The following XYLT1 variants were observed in gnomAD, a reference collection of about 807,000 sequenced individuals.
The protein encoded by XYLT1 is beta-D-xylosyltransferase 1.
Under a neutral mutation model 91.3 loss-of-function variants are expected in XYLT1, and 36 were observed. The observed-to-expected ratio is 0.39, with a 90% CI of 0.30 to 0.52. XYLT1 has a LOEUF of 0.52. Among genes scored for constraint, XYLT1 ranks in the 20% least tolerant of loss-of-function variants. XYLT1 has a pLI of 0.68. For missense variants in XYLT1, 1,242 were observed against 1,284.5 expected (o/e 0.97, Z 0.51); for synonymous variants, 588 against 532.0 (o/e 1.11, Z -1.45).
At chr16:17,290,860 T>A (rs1460472707) in intron 2 of XYLT1, among the ~76,000 whole-genome samples, 1 of 152,206 alleles carries the variant, frequency 6.6e-6, no homozygotes, top group Non-Finnish European at 1.5e-5. Context: ...GTGGTTACAA[T>A]GTCCTGGGGT....
intron 1 of XYLT1, among the ~76,000 whole-genome samples, chr16:17,360,850 A>G (rs754373604): frequency 9.2e-5 from 14 of 152,198 alleles, no homozygotes; most frequent in Non-Finnish European, 1.9e-4. Flanking sequence ...TGGAGACCAA[A>G]GGGGAATTTG....
rs547489111 is a variant in XYLT1, at chr16:17,351,911, A to T, written c.402+6101T>A. Among the ~76,000 whole-genome samples, 6 of 152,278 alleles carry T rather than the reference A, an allele frequency of 3.9e-5. No homozygotes were observed. The South Asian group carries it at 1.2e-3, about 32-fold the overall frequency. On this transcript the variant is annotated intron_variant, in intron 2 of 11. Transcript: ENST00000261381. ...GCAATTCCAGCACTTTGCGAGGCTG[A>T]GGCGGGCGGACTGCTTGAGCCCAGA... is the stretch of plus-strand genomic sequence containing the variant.
chr16:17,176,969 T>C (rs2031959216), intron 5 of XYLT1, among the ~76,000 whole-genome samples: 3 of 152,178 alleles, frequency 2.0e-5, no homozygotes. Flanking sequence ...CTTGGACTCC[T>C]TAACCTGGCT....
intron 6 of XYLT1, among the ~76,000 whole-genome samples, chr16:17,158,494 A>T (rs1395028439): frequency 3.3e-5 from 5 of 152,218 alleles, no homozygotes; most frequent in African/African-American, 1.2e-4. Context: ...TGCTTACATT[A>T]TGGGCCTCAG....
At chr16:17,169,828 T>A (rs2031783863) in intron 5 of XYLT1, among the ~76,000 whole-genome samples, 1 of 152,216 alleles carries the variant, frequency 6.6e-6, no homozygotes, top group Non-Finnish European at 1.5e-5. Context: ...ATACAATGAT[T>A]GATTACAGCC....
At chr16:17,301,642 T>TA (rs2034396284) in intron 2 of XYLT1, among the ~76,000 whole-genome samples, 1 of 152,204 alleles carries the variant, frequency 6.6e-6, no homozygotes, top group Non-Finnish European at 1.5e-5. Flanking sequence ...TACCTTGCAA[T>TA]GTCGCTGCCA....
intron 2 of XYLT1, among the ~76,000 whole-genome samples, chr16:17,305,372 G>C (rs1292292308): frequency 6.6e-6 from 1 of 150,852 alleles, no homozygotes; most frequent in Non-Finnish European, 1.5e-5. Context: ...TGCAGCTTTA[G>C]TTTTCTTAAT....
intron 1 of XYLT1, among the ~76,000 whole-genome samples, chr16:17,415,851 G>A (rs2036173995): frequency 3.3e-5 from 5 of 152,160 alleles, no homozygotes; most frequent in Admixed American, 2.6e-4. Context: ...AATAAAGGGT[G>A]TAATCATGGA....
At chr16:17,180,449 C>T (rs2032042948) in intron 5 of XYLT1, among the ~76,000 whole-genome samples, 1 of 152,148 alleles carries the variant, frequency 6.6e-6, no homozygotes, top group Non-Finnish European at 1.5e-5. Context: ...CATGATTAGA[C>T]TGAGAAAGGG....
intron 2 of XYLT1, among the ~76,000 whole-genome samples, chr16:17,280,102 G>A (rs1242139428): frequency 6.6e-6 from 1 of 152,192 alleles, no homozygotes; most frequent in Non-Finnish European, 1.5e-5. Context: ...TATAATCCCA[G>A]CATTTTGGGA....
At chr16:17,281,740 T>C (rs989719984) in intron 2 of XYLT1, among the ~76,000 whole-genome samples, 1 of 152,156 alleles carries the variant, frequency 6.6e-6, no homozygotes, top group Non-Finnish European at 1.5e-5. Flanking sequence ...AAGGCAATCA[T>C]TTCCTCCCTG....
chr16:17,406,168 G>A (rs1322855080), intron 1 of XYLT1, among the ~76,000 whole-genome samples: 1 of 152,214 alleles, frequency 6.6e-6, no homozygotes, highest in East Asian at 1.9e-4. Flanking sequence ...CTGGGCAACA[G>A]AGTGAGACTC....
At chr16:17,331,161 G>A (rs960684553) in intron 2 of XYLT1, among the ~76,000 whole-genome samples, 4 of 152,214 alleles carry the variant, frequency 2.6e-5, no homozygotes, top group Non-Finnish European at 4.4e-5. Context: ...CTAAAGCCAA[G>A]AAGGCAATGA....
chr16:17,151,269 T>C (rs372722264), intron 6 of XYLT1, among the ~76,000 whole-genome samples: 1 of 152,076 alleles, frequency 6.6e-6, no homozygotes, highest in Admixed American at 6.5e-5. Flanking sequence ...CTACTGAAAC[T>C]ACAAAAATTA....
At chr16:17,197,339 A>G (rs558572137) in intron 5 of XYLT1, among the ~76,000 whole-genome samples, 18 of 152,144 alleles carry the variant, frequency 1.2e-4, no homozygotes, top group Admixed American at 6.5e-4. Context: ...AAAACCTTCC[A>G]GGCCACCGTT....
At chr16:17,446,588 C>G (rs1196361305) in intron 1 of XYLT1, among the ~76,000 whole-genome samples, 2 of 152,170 alleles carry the variant, frequency 1.3e-5, no homozygotes, top group East Asian at 3.9e-4. Flanking sequence ...TCAGAAAACA[C>G]AGTGCCCCTC....
chr16:17,358,754 C>T (rs2035340600), intron 1 of XYLT1, among the ~76,000 whole-genome samples: 1 of 152,074 alleles, frequency 6.6e-6, no homozygotes, highest in Non-Finnish European at 1.5e-5. Context: ...TAGGAATAAA[C>T]CAGAAAGAAT....
At chr16:17,239,239 T>C (rs1567336734) in intron 3 of XYLT1, among the ~76,000 whole-genome samples, 2 of 148,102 alleles carry the variant, frequency 1.4e-5, no homozygotes, top group East Asian at 4.1e-4. Flanking sequence ...CATCCATTCA[T>C]CTCATTCATC....
chr16:17,216,470 TA>T (rs2032862810), intron 3 of XYLT1, among the ~76,000 whole-genome samples: 1 of 152,218 alleles, frequency 6.6e-6, no homozygotes, highest in South Asian at 2.1e-4. Context: ...CTCCTGATCA[TA>T]AACCATAAAT....
Sources: allele counts gnomAD v4.1 joint callset (sites outside exome capture counted in the v4.1 genomes callset), GRCh38; gene constraint gnomAD v4.1.1; transcripts MANE v1.5; gene names NCBI Gene and HGNC (gene_info 2026-07-23, HGNC 2026-07-21).